The following FMO5 variants were observed in gnomAD, a reference collection of about 807,000 sequenced individuals.
FMO5 encodes flavin-containing monooxygenase 5.
FMO5 carries 51 observed loss-of-function variants against 43.6 expected under a neutral mutation model. The ratio of observed to expected loss-of-function variants is 1.17; its 90% confidence interval spans 0.93 to 1.48. The LOEUF (loss-of-function observed/expected upper bound fraction) is 1.48, where lower values mean the gene tolerates loss of function less well. FMO5 is among the 40% of genes most tolerant of loss of function. The pLI, the probability that FMO5 is intolerant of heterozygous loss-of-function variation, is 0.00. For synonymous variants in FMO5, 187 were observed against 216.5 expected (o/e 0.86, Z 1.20); for missense variants, 644 against 643.0 (o/e 1.00, Z -0.02).
chr1:147,208,944 C>A lies in FMO5; in HGVS notation c.738G>T (p.Lys246Asn). The change falls in exon 6 of 9, where the codon AAG becomes AAT. Residue 246 changes from lysine (K) to asparagine (N), a missense_variant. Physicochemically the swap from Lys to Asn is moderately conservative, Grantham distance 94. Transcript: ENST00000254090. ...TGTTTGCTAATGATTGGCCACAGAT[C>A]TTCCATATAAAATGTGTAAGTCGAG... Reference protein sequence around the residue: ...FSSRLTHFIWKICGQSLANKY... With the variant: ...FSSRLTHFIWNICGQSLANKY... 1.2e-6 allele frequency: 2 copies of A among 1,614,064 alleles called. No individual in the cohort carries two copies. Among genetic ancestry groups the A allele is most frequent in the Non-Finnish European group, 1.7e-6 (2 of 1,179,924 alleles).
intron 7 of FMO5, among the ~76,000 whole-genome samples, chr1:147,194,450 A>C (rs1241689012): frequency 6.6e-6 from 1 of 151,916 alleles, no homozygotes; most frequent in African/African-American, 2.4e-5. Context: ...TTGGGTCTTG[A>C]CTCTTTATCC....
chr1:147,212,852 C>G (rs2101963745), intron 4 of FMO5, among the ~76,000 whole-genome samples: 1 of 152,082 alleles, frequency 6.6e-6, no homozygotes, highest in South Asian at 2.1e-4. Context: ...CCTTAAATAC[C>G]TACTCGCATT....
intron 5 of FMO5, chr1:147,211,488 T>C (rs1559665156): frequency 2.6e-5 from 4 of 152,222 alleles, no homozygotes; most frequent in African/African-American, 9.6e-5. Context: ...GAAGTGTTTT[T>C]CAAACAAAGT....
rs1347620954 is a variant in FMO5, at chr1:147,192,441, A to G, written c.1184-2192T>C. Among the ~76,000 whole-genome samples the G allele has an allele frequency of 3.3e-5, 5 of 152,252 alleles. No individual in the cohort carries two copies. In the South Asian group the frequency reaches 8.3e-4, roughly 25 times the overall value. On this transcript the variant is annotated intron_variant, in intron 7 of 8. Transcript: ENST00000254090. ...GACAATGGGGTTTTCTAGATATACAATCATGTCGTCTGCAAACAGGGACAA... is the reference window on the plus strand; with the variant it reads ...GACAATGGGGTTTTCTAGATATACAGTCATGTCGTCTGCAAACAGGGACAA...
At chr1:147,187,758 A>G (rs1655887760) in intron 8 of FMO5, among the ~76,000 whole-genome samples, 1 of 152,198 alleles carries the variant, frequency 6.6e-6, no homozygotes, top group South Asian at 2.1e-4. Flanking sequence ...CACAAGAGGA[A>G]GTAGCCCTCC....
chr1:147,220,597 G>A (rs1571417026), intron 2 of FMO5, among the ~76,000 whole-genome samples: 2 of 152,268 alleles, frequency 1.3e-5, no homozygotes, highest in Non-Finnish European at 1.5e-5. Flanking sequence ...ACTGACAAAC[G>A]CTATTTCAAG....
chr1:147,207,368 T>C (rs1660282375), intron 6 of FMO5, among the ~76,000 whole-genome samples: 2 of 152,150 alleles, frequency 1.3e-5, no homozygotes, highest in Admixed American at 1.3e-4. Context: ...TTTTGCAACT[T>C]TTCTGTAGAT....
chr1:147,189,842 CTCTGGCAAG>C (rs2101705822), intron 8 of FMO5, among the ~76,000 whole-genome samples: 1 of 152,280 alleles, frequency 6.6e-6, no homozygotes, highest in East Asian at 1.9e-4. Context: ...CTCTTCCTTC[CTCTGGCAAG>C]TCTACTAGCA....
intron 7 of FMO5, among the ~76,000 whole-genome samples, chr1:147,196,755 G>A (rs1422252863): frequency 6.6e-6 from 1 of 151,892 alleles, no homozygotes; most frequent in Non-Finnish European, 1.5e-5. Context: ...TTTGCTCCCT[G>A]TCTTAGTTTC....
intron 2 of FMO5, among the ~76,000 whole-genome samples, chr1:147,220,298 G>T (rs1553925951): frequency 6.6e-6 from 1 of 152,188 alleles, no homozygotes; most frequent in African/African-American, 2.4e-5. Context: ...GAAAGTCTAA[G>T]ATTTAAATAA....
intron 5 of FMO5, chr1:147,211,270 A>T (rs1487231513): frequency 6.6e-6 from 1 of 152,212 alleles, no homozygotes; most frequent in Non-Finnish European, 1.5e-5. Flanking sequence ...GATATTAAAG[A>T]TGGCTCTCGC....
At chr1:147,189,564 A>G (rs1656296127) in intron 8 of FMO5, among the ~76,000 whole-genome samples, 1 of 152,186 alleles carries the variant, frequency 6.6e-6, no homozygotes, top group South Asian at 2.1e-4. Context: ...GAGACTTACC[A>G]TCAATTTCCA....
chr1:147,187,295 A>T, intron 8 of FMO5, 50 bp from the exon 9 acceptor site: 1 of 1,398,752 alleles, frequency 7.1e-7, no homozygotes, highest in Non-Finnish European at 9.8e-7. Context: ...TCAATCAGTC[A>T]GTCAATCAAT....
intron 7 of FMO5, among the ~76,000 whole-genome samples, chr1:147,191,062 T>A (rs587597175): frequency 6.6e-6 from 1 of 152,312 alleles, no homozygotes; most frequent in Non-Finnish European, 1.5e-5. Flanking sequence ...ATGTGCCACA[T>A]TTTCTTAATC....
downstream of FMO5, among the ~76,000 whole-genome samples, chr1:147,185,414 T>A (rs1655532730): frequency 6.6e-6 from 1 of 152,152 alleles, no homozygotes; most frequent in Non-Finnish European, 1.5e-5. Flanking sequence ...TTAAAAATAC[T>A]AGGTCCATTT....
Position 147,192,118 on chromosome 1 carries a change from C to T in FMO5, c.1184-1869G>A, listed in dbSNP as rs1486587447. Among the ~76,000 whole-genome samples, 6 of 152,068 alleles carry T rather than the reference C, an allele frequency of 3.9e-5. No individual in the cohort carries two copies. In the East Asian group the frequency reaches 7.7e-4, roughly 20 times the overall value. ...ACCTTGGGCAGTATGGCCATTTTCA[C>T]GATATTGATTCTTCCTACCCATGAG... On this transcript the variant is annotated intron_variant, in intron 7 of 8. Transcript: ENST00000254090.
In FMO5 at chr1:147,201,198, C is replaced by CA; in HGVS notation, c.1136dup (p.Met379IlefsTer16). On this transcript the variant is annotated frameshift_variant, in exon 7 of 9. Coordinates refer to ENST00000254090, the MANE Select transcript of FMO5 (RefSeq NM_001461.4). LOFTEE classifies it high-confidence loss of function. ...AGCGTCCTTGGAGCTCTGAAATGGG[C>CA]ATAATGGCTCCTAAGGGCTGAATCA... 6.2e-7 allele frequency: 1 copy of CA among 1,614,070 alleles called. No individual in the cohort carries two copies. Among genetic ancestry groups the CA allele is most frequent in the East Asian group, 2.2e-5 (1 of 44,888 alleles).
At chr1:147,223,823 A>T in intron 2 of FMO5, 1 of 292,062 alleles carries the variant, frequency 3.4e-6, no homozygotes, top group South Asian at 3.1e-5. Context: ...CGCACTGCCA[A>T]ACAGCTACTG....
chr1:147,196,274 T>G (rs893918101), intron 7 of FMO5, among the ~76,000 whole-genome samples: 1 of 152,140 alleles, frequency 6.6e-6, no homozygotes, highest in Non-Finnish European at 1.5e-5. Flanking sequence ...ATTTTAGCCA[T>G]GGGAATTATT....
Sources: gnomAD v4.1 joint callset for allele counts (sites outside exome capture counted in the v4.1 genomes callset) on GRCh38, gnomAD v4.1.1 for gene constraint, MANE v1.5 for transcripts, NCBI Gene and HGNC (gene_info 2026-07-23, HGNC 2026-07-21) for gene names.